TSC2: variants seen among roughly 807,000 people sequenced by gnomAD.
TSC2 encodes the protein TSC complex subunit 2.
Under a neutral mutation model 202.2 loss-of-function variants are expected in TSC2, and 29 were observed. That is an observed-to-expected ratio of 0.14 (90% confidence interval 0.11 to 0.20). The LOEUF (loss-of-function observed/expected upper bound fraction) is 0.20. Among genes scored for constraint, TSC2 ranks in the 10% least tolerant of loss-of-function variants. The probability of loss-of-function intolerance (pLI) is 1.00; values close to 1 mark genes in which losing one functional copy is unlikely to be tolerated. For missense variants in TSC2, 2,429 were observed against 2,420.0 expected (o/e 1.00, Z -0.08); for synonymous variants, 1,349 against 1,044.0 (o/e 1.29, Z -5.63).
chr16:2,081,754 C>T lies in TSC2; in HGVS notation c.3770C>T (p.Ala1257Val), dbSNP rs45466493. The change falls in exon 31 of 42, where the codon GCA becomes GTA. Residue 1257 changes from alanine to valine, a missense_variant. Coordinates refer to ENST00000219476, the MANE Select transcript of TSC2 (RefSeq NM_000548.5). ...TALYKSLSVP[A>V]ASTAKPPPLP... ...CTGTACAAGTCACTGTCGGTGCCGG[C>T]AGCCAGCACGGCCAAACCCCCTCCT... 1.9e-4 allele frequency: 307 copies of T among 1,612,738 alleles called. 1 individual carries two copies. The highest frequency in any genetic ancestry group is 3.3e-4 in the Middle Eastern group (2 of 5,972).
rs1426258365 is a variant in TSC2, at chr16:2,065,514, C to G, written c.1600-5C>G. The stretch of plus-strand genomic sequence containing the variant: ...TGTGTGTAAGTCCTGGCCTTCTCTT[C>G]AAAGGTGATGGCCCGCTCCCTCTCC... On this transcript the variant is annotated splice_region_variant and splice_polypyrimidine_tract_variant and intron_variant, in intron 15 of 41. Coordinates refer to ENST00000219476, the MANE Select transcript of TSC2 (RefSeq NM_000548.5). 4.4e-6 allele frequency: 7 copies of G among 1,597,324 alleles called. 1 individual carries two copies. Among genetic ancestry groups the G allele is most frequent in the Middle Eastern group, 1.7e-4 (1 of 6,020 alleles).
At chr16:2,081,227 G>A in intron 30 of TSC2, 1 of 369,968 alleles carries the variant, frequency 2.7e-6, no homozygotes. Flanking sequence ...CAGAGGCCCA[G>A]AGCCCAGGGA....
At position 2,064,272 on chromosome 16, in the gene TSC2, G is replaced by T; in HGVS notation, c.1444G>T (p.Glu482Ter). The T allele has an allele frequency of 6.2e-7, 1 of 1,613,914 alleles. No individual in the cohort carries two copies. Among genetic ancestry groups the T allele is most frequent in the Non-Finnish European group, 8.5e-7 (1 of 1,180,024 alleles). Residue 482 changes from glutamate (E) to a stop codon, truncating the protein, a stop_gained and splice_region_variant, in exon 15 of 42, where the codon GAG (glutamate) becomes TAG (stop). Coordinates refer to ENST00000219476, the MANE Select transcript of TSC2 (RefSeq NM_000548.5). LOFTEE classifies it high-confidence loss of function. Reference sequence around the variant, plus strand: ...ATTGGCCTCCCTTGTGCCTGTGCAGGAGGAGCTGATTAACTCAGTGGTCAT... The same window carrying T: ...ATTGGCCTCCCTTGTGCCTGTGCAGTAGGAGCTGATTAACTCAGTGGTCAT... ...VLLINRQFYE[E>*]ELINSVVISQ...
chr16:2,071,746 C>G (rs750055455), intron 18 of TSC2, 38 bp from the exon 19 acceptor site: 5 of 1,599,818 alleles, frequency 3.1e-6, no homozygotes, highest in African/African-American at 1.3e-5. Context: ...GTTCCTGCTG[C>G]GGGGACTTGG....
chr16:2,056,538 A>G (rs2151074707), intron 7 of TSC2, 106 bp from the exon 8 acceptor site: 1 of 1,497,362 alleles, frequency 6.7e-7, no homozygotes, highest in South Asian at 1.2e-5. Context: ...GGCAGCGGGG[A>G]GAGGTGGCAG....
intron 30 of TSC2, chr16:2,081,384 G>A (rs1596398311): frequency 4.6e-6 from 3 of 648,004 alleles, no homozygotes; most frequent in East Asian, 2.8e-5. Context: ...GCTCTGAGGT[G>A]CCTGGCGGAG....
intron 14 of TSC2, chr16:2,063,442 G>C (rs139361202): frequency 1.1e-5 from 4 of 356,776 alleles, no homozygotes; most frequent in African/African-American, 2.1e-5. Context: ...AGCCCTGCCT[G>C]GTCTCTCCTC....
intron 5 of TSC2, chr16:2,054,861 G>A (rs933562670): frequency 5.9e-6 from 2 of 339,274 alleles, no homozygotes; most frequent in Non-Finnish European, 1.1e-5. Context: ...GGGTCTCTGT[G>A]TCATGATTCT....
Position 2,071,864 on chromosome 16 carries a change from G to GC in TSC2, c.2031dup (p.Ala678ArgfsTer25), listed in dbSNP as rs397515050. Reference sequence around the variant, plus strand: ...GGGCCTCCTGGCCCGGCGCCTGCAGGCCCCGCCGTGCGGCTGGGGTCCGTG... The same window carrying GC: ...GGGCCTCCTGGCCCGGCGCCTGCAGGCCCCCGCCGTGCGGCTGGGGTCCGTG... On this transcript the variant is annotated frameshift_variant, in exon 19 of 42. Transcript: ENST00000219476. LOFTEE classifies it high-confidence loss of function. 6.8e-7 allele frequency: 1 copy of GC among 1,469,030 alleles called. No individual in the cohort carries two copies. The highest frequency in any genetic ancestry group is 9.0e-7 in the Non-Finnish European group (1 of 1,114,564). 91.0% of individuals were successfully genotyped at this position (1,469,030 alleles called of 1,614,324 possible).
At chr16:2,081,385 C>T (rs1446307324) in intron 30 of TSC2, 2 of 651,118 alleles carry the variant, frequency 3.1e-6, no homozygotes, top group African/African-American at 1.8e-5. Context: ...CTCTGAGGTG[C>T]CTGGCGGAGC....
At chr16:2,075,707 C>T in intron 22 of TSC2, 92 bp from the exon 23 acceptor site, 1 of 1,370,258 alleles carries the variant, frequency 7.3e-7, no homozygotes, top group South Asian at 1.2e-5. Context: ...TCTGCAGCAC[C>T]CCATCGCTGC....
Position 2,084,620 on chromosome 16 carries a change from G to A in TSC2, c.4398G>A (p.Ser1466=), listed in dbSNP as rs376086638. Reference sequence around the variant, plus strand: ...CCCGAGGTTACACCATCTCCGACTCGGCCCCATCACGCAGGGGCAAGAGAG... The same window carrying A: ...CCCGAGGTTACACCATCTCCGACTCAGCCCCATCACGCAGGGGCAAGAGAG... The part of the protein sequence containing the change: ...LRPRGYTISD[S]APSRRGKRVE... The change falls in exon 34 of 42, where the codon TCG becomes TCA. Residue 1466 remains serine (S), a synonymous_variant. Transcript: ENST00000219476. 1.1e-5 allele frequency: 18 copies of A among 1,601,388 alleles called. No homozygotes were observed. The highest frequency in any genetic ancestry group is 2.2e-5 in the East Asian group (1 of 44,874).
chr16:2,057,461 A>C (rs1031893269), intron 9 of TSC2, among the ~76,000 whole-genome samples: 5 of 152,112 alleles, frequency 3.3e-5, no homozygotes, highest in Non-Finnish European at 5.9e-5. Flanking sequence ...TTACAAGGCG[A>C]GGCTCGGGGT....
At position 2,056,751 on chromosome 16, in the gene TSC2, C is replaced by G. The variant is rs1026303888; in HGVS notation, c.756C>G (p.Leu252=). Residue 252 remains leucine, a synonymous_variant, in exon 8 of 42, where the codon CTC becomes CTG. Coordinates refer to ENST00000219476, the MANE Select transcript of TSC2 (RefSeq NM_000548.5). Reference sequence around the variant, plus strand: ...GTCGCACCATCAACGTCAAGGAGCTCTGCGAGCCTTGCTGGAAGGTGGGGT... The same window carrying G: ...GTCGCACCATCAACGTCAAGGAGCTGTGCGAGCCTTGCTGGAAGGTGGGGT... ...TLCRTINVKE[L]CEPCWKLMRN... 1 of 1,610,368 alleles carries G rather than the reference C, an allele frequency of 6.2e-7. No individual in the cohort carries two copies. Among genetic ancestry groups the G allele is most frequent in the African/African-American group, 1.3e-5 (1 of 74,936 alleles).
chr16:2,055,827 G>T (rs2085730508), intron 6 of TSC2: 1 of 452,936 alleles, frequency 2.2e-6, no homozygotes, highest in East Asian at 4.5e-5. Context: ...GAAGGCAGAG[G>T]TTGCAGTGAG....
rs1567132521 is a variant in TSC2 at position 2,088,319 on chromosome 16, C to T, written c.5253C>T (p.Arg1751=). The part of the protein sequence containing the change: ...IARLRHIKRL[R]QRICEEAAYS... Reference sequence around the variant, plus strand: ...GGCTCCGCCACATCAAGCGGCTCCGCCAGCGGGTAGGGAATATGGGGCTCC... The same window carrying T: ...GGCTCCGCCACATCAAGCGGCTCCGTCAGCGGGTAGGGAATATGGGGCTCC... Residue 1751 remains arginine (R), a synonymous_variant, in exon 41 of 42, where the codon CGC becomes CGT. Transcript: ENST00000219476. 10 of 1,612,772 alleles carry T rather than the reference C, an allele frequency of 6.2e-6. No homozygotes were observed. The South Asian group carries it at 1.1e-4, about 18-fold the overall frequency.
chr16:2,049,383 G>A (rs2084801972), intron 2 of TSC2, among the ~76,000 whole-genome samples: 2 of 151,994 alleles, frequency 1.3e-5, no homozygotes, highest in Admixed American at 1.3e-4. Context: ...ATCGCACATG[G>A]GCTAGGTCGT....
In TSC2 at chr16:2,078,777, G is replaced by C. The variant is rs981776911; in HGVS notation, c.2967-255G>C. On this transcript the variant is annotated intron_variant, in intron 26 of 41. Transcript: ENST00000219476. ...GTGCTCCCGTGGGCTTCGGTGAGGG[G>C]GATGTCGGTCTCTAGCCTCCTGAGT... The C allele has an allele frequency of 5.4e-6, 3 of 559,912 alleles. No individual in the cohort carries two copies. The East Asian group carries it at 9.2e-5, about 17-fold the overall frequency. 34.7% of individuals were successfully genotyped at this position (559,912 alleles called of 1,614,324 possible).
chr16:2,073,109 G>C, intron 21 of TSC2, 126 bp downstream of exon 21: 1 of 1,462,836 alleles, frequency 6.8e-7, no homozygotes, highest in Non-Finnish European at 9.3e-7. Flanking sequence ...AGTTGGCTCT[G>C]CTTCCCTGGG....
Sources: allele counts gnomAD v4.1 joint callset (sites outside exome capture counted in the v4.1 genomes callset), GRCh38; gene constraint gnomAD v4.1.1; transcripts MANE v1.5; gene names NCBI Gene and HGNC (gene_info 2026-07-23, HGNC 2026-07-21).